The following MACROD2 variants were observed in gnomAD, a reference collection of about 807,000 sequenced individuals.
MACROD2 encodes mono-ADP ribosylhydrolase 2.
In MACROD2, 36 loss-of-function variants were observed where a neutral mutation model predicts 70.4. The ratio of observed to expected loss-of-function variants is 0.51; its 90% CI spans 0.39 to 0.68. The LOEUF is 0.68. Among genes scored for constraint, MACROD2 ranks in the 30% least tolerant of loss-of-function variants. The pLI, the probability that MACROD2 is intolerant of heterozygous loss-of-function variation, is 0.00. For synonymous variants in MACROD2, 172 were observed against 178.8 expected, an observed-to-expected ratio of 0.96 and a Z score of 0.30; for missense variants, 496 against 538.4, an observed-to-expected ratio of 0.92 and a Z score of 0.78.
intron 15 of MACROD2, among the ~76,000 whole-genome samples, chr20:15,992,874 C>T (rs566072951): frequency 5.9e-5 from 9 of 152,218 alleles, no homozygotes; most frequent in Non-Finnish European, 8.8e-5. Flanking sequence ...TCCTCTCTGC[C>T]GAATTAGAGT....
At chr20:14,155,452 A>T (rs1017608130) in intron 3 of MACROD2, among the ~76,000 whole-genome samples, 1 of 152,200 alleles carries the variant, frequency 6.6e-6, no homozygotes, top group Non-Finnish European at 1.5e-5. Flanking sequence ...TAGATTGATT[A>T]TCTGTGGTAT....
chr20:14,578,243 A>G (rs1298024044), intron 4 of MACROD2, among the ~76,000 whole-genome samples: 2 of 151,812 alleles, frequency 1.3e-5, no homozygotes, highest in Non-Finnish European at 2.9e-5. Context: ...TTCAAATACA[A>G]CATAAAAATA....
intron 7 of MACROD2, among the ~76,000 whole-genome samples, chr20:15,453,297 G>A (rs1269784909): frequency 2.0e-5 from 3 of 151,966 alleles, no homozygotes; most frequent in African/African-American, 7.2e-5. Flanking sequence ...AGTGCTCATT[G>A]GATCATGGAT....
chr20:15,224,084 G>A (rs554000339), intron 5 of MACROD2, among the ~76,000 whole-genome samples: 114 of 152,270 alleles, frequency 7.5e-4, no homozygotes, highest in Non-Finnish European at 1.4e-3. Context: ...TCCAGCCTTT[G>A]GCTCCCACAG....
chr20:14,856,166 G>T (rs1233591703), intron 5 of MACROD2, among the ~76,000 whole-genome samples: 1 of 152,052 alleles, frequency 6.6e-6, no homozygotes, highest in African/African-American at 2.4e-5. Flanking sequence ...ACCTAATCAT[G>T]TTGCCTTTGA....
chr20:15,835,624 A>G (rs1375647297), intron 8 of MACROD2, among the ~76,000 whole-genome samples: 1 of 152,094 alleles, frequency 6.6e-6, no homozygotes, highest in Non-Finnish European at 1.5e-5. Context: ...TATTATATCT[A>G]TTTGTAAGTG....
At chr20:14,990,250 ATAGATAAAAAATGT>A (rs1416395600) in intron 5 of MACROD2, among the ~76,000 whole-genome samples, 1 of 152,102 alleles carries the variant, frequency 6.6e-6, no homozygotes, top group Non-Finnish European at 1.5e-5. Flanking sequence ...GAGATACACA[ATAGATAAAAAATGT>A]TGCCTTTGGA....
intron 3 of MACROD2, among the ~76,000 whole-genome samples, chr20:14,311,810 A>G (rs1283133208): frequency 1.3e-5 from 2 of 151,780 alleles, no homozygotes; most frequent in African/African-American, 2.4e-5. Flanking sequence ...GAGCCACCGC[A>G]CCCGGCCTGT....
intron 1 of MACROD2, among the ~76,000 whole-genome samples, chr20:14,000,964 C>T (rs2052726704): frequency 6.6e-6 from 1 of 152,170 alleles, no homozygotes; most frequent in Non-Finnish European, 1.5e-5. Flanking sequence ...ATTCATACCT[C>T]CTTTGTTTAC....
chr20:15,315,376 G>A (rs1032364674), intron 6 of MACROD2, among the ~76,000 whole-genome samples: 2 of 152,112 alleles, frequency 1.3e-5, no homozygotes, highest in African/African-American at 4.8e-5. Flanking sequence ...TCGACACAAA[G>A]AGACTCACGG....
intron 3 of MACROD2, among the ~76,000 whole-genome samples, chr20:14,398,830 G>A (rs908996086): frequency 2.6e-5 from 4 of 151,876 alleles, no homozygotes; most frequent in East Asian, 1.9e-4. Context: ...CTCTCCATTC[G>A]TTTCCATCCA....
At chr20:15,859,825 C>A (rs567511761) in intron 8 of MACROD2, among the ~76,000 whole-genome samples, 1 of 150,206 alleles carries the variant, frequency 6.7e-6, no homozygotes, top group South Asian at 2.1e-4. Context: ...ATTTCCATGG[C>A]AACAGAGCCT....
At chr20:14,805,337 T>C (rs1016803034) in intron 5 of MACROD2, among the ~76,000 whole-genome samples, 1 of 152,226 alleles carries the variant, frequency 6.6e-6, no homozygotes, top group South Asian at 2.1e-4. Context: ...AATTTTTCCC[T>C]AGCCTCTGGC....
At chr20:14,758,062 G>A (rs1228023896) in intron 5 of MACROD2, 2 of 598,940 alleles carry the variant, frequency 3.3e-6, no homozygotes, top group African/African-American at 1.8e-5. Flanking sequence ...AATAAATTTG[G>A]AGAGGGTTAT....
intron 8 of MACROD2, among the ~76,000 whole-genome samples, chr20:15,754,219 C>T (rs1326118512): frequency 6.6e-6 from 1 of 152,174 alleles, no homozygotes; most frequent in Non-Finnish European, 1.5e-5. Flanking sequence ...TGACTCCCAA[C>T]TAAAGTTTGT....
chr20:15,056,023 G>C (rs2075482325), intron 5 of MACROD2, among the ~76,000 whole-genome samples: 1 of 152,054 alleles, frequency 6.6e-6, no homozygotes, highest in South Asian at 2.1e-4. Context: ...CTGACCTCAA[G>C]TGATCCGCCT....
chr20:15,571,082 T>C (rs1193093988), intron 8 of MACROD2, among the ~76,000 whole-genome samples: 1 of 152,180 alleles, frequency 6.6e-6, no homozygotes, highest in African/African-American at 2.4e-5. Flanking sequence ...TAGTTAAAAC[T>C]CTGCTAAAGA....
At chr20:15,620,575 GCTT>G (rs1445957766) in intron 8 of MACROD2, among the ~76,000 whole-genome samples, 5 of 152,112 alleles carry the variant, frequency 3.3e-5, no homozygotes, top group African/African-American at 1.2e-4. Context: ...AATGACTGCT[GCTT>G]ATTATTAATA....
At chr20:15,146,050 T>C (rs1212802366) in intron 5 of MACROD2, among the ~76,000 whole-genome samples, 1 of 152,170 alleles carries the variant, frequency 6.6e-6, no homozygotes, top group Non-Finnish European at 1.5e-5. Flanking sequence ...TAAAATTTAT[T>C]TGTTACATTT....
Sources: allele counts gnomAD v4.1 joint callset (sites outside exome capture counted in the v4.1 genomes callset), GRCh38; gene constraint gnomAD v4.1.1; transcripts MANE v1.5; gene names NCBI Gene and HGNC (gene_info 2026-07-23, HGNC 2026-07-21).